Variants in MIS18BP1 observed in about 807,000 individuals in gnomAD.
The protein encoded by MIS18BP1 is MIS18 binding protein 1.
Under a neutral mutation model 116.1 loss-of-function variants are expected in MIS18BP1, and 72 were observed. The ratio of observed to expected loss-of-function variants is 0.62; its 90% CI spans 0.51 to 0.75. The LOEUF (loss-of-function observed/expected upper bound fraction) is 0.75. Among genes scored for constraint, MIS18BP1 ranks in the 30% least tolerant of loss-of-function variants. The pLI is 0.00. For synonymous variants in MIS18BP1, 386 were observed against 427.0 expected (o/e 0.90, Z 1.18); for missense variants, 1,363 against 1,303.2 (o/e 1.05, Z -0.71).
At chr14:45,232,616 G>A (rs769774563) in intron 7 of MIS18BP1, 117 bp downstream of exon 7, 7 of 651,796 alleles carry the variant, frequency 1.1e-5, no homozygotes, top group East Asian at 6.0e-5. Context: ...CCAACATGAC[G>A]AAACCCCATC....
At position 45,253,187 on chromosome 14, in the gene MIS18BP1, A is replaced by T. The variant is rs902016117; in HGVS notation, c.-244T>A. The stretch of plus-strand genomic sequence containing the variant: ...CCAAGCGACGCTTACCTCCTCCGCG[A>T]CGTTCTCTAACACACAAAACACTTC... On this transcript the variant is annotated 5_prime_UTR_variant, in exon 1 of 17. Transcript: ENST00000310806. The T allele has an allele frequency of 1.3e-5, 2 of 152,260 alleles. No individual in the cohort carries two copies. Among genetic ancestry groups the T allele is most frequent in the African/African-American group, 2.4e-5 (1 of 41,466 alleles). The allele number at this position is 152,260 out of a possible 1,614,324, so 9.4% of individuals were successfully genotyped here.
intron 7 of MIS18BP1, chr14:45,232,416 CAAA>C (rs532665472): frequency 0.013 from 1,210 of 95,630 alleles, 4 homozygotes; most frequent in African/African-American, 0.027. Flanking sequence ...GATTCCATCT[CAAA>C]AAAAAAAAAA....
At chr14:45,223,280 AT>A (rs1484189228) in intron 11 of MIS18BP1, among the ~76,000 whole-genome samples, 1 of 152,006 alleles carries the variant, frequency 6.6e-6, no homozygotes, top group Non-Finnish European at 1.5e-5. Context: ...AAACTTTACT[AT>A]TTATAACACT....
At chr14:45,207,687 A>T (rs1890556133) in intron 14 of MIS18BP1, among the ~76,000 whole-genome samples, 1 of 152,216 alleles carries the variant, frequency 6.6e-6, no homozygotes, top group Non-Finnish European at 1.5e-5. Flanking sequence ...GTTGTTCAGG[A>T]TCAGCAACTG....
chr14:45,217,962 T>G (rs1360958387), intron 12 of MIS18BP1, among the ~76,000 whole-genome samples: 1 of 152,156 alleles, frequency 6.6e-6, no homozygotes, highest in Non-Finnish European at 1.5e-5. Context: ...TTTCTGAGCT[T>G]TCTCATAAAT....
chr14:45,225,338 C>T (rs1037765748), intron 10 of MIS18BP1, among the ~76,000 whole-genome samples: 1 of 151,862 alleles, frequency 6.6e-6, no homozygotes, highest in African/African-American at 2.4e-5. Context: ...GTCTTTCAAT[C>T]AGACTGGAAA....
At chr14:45,223,544 C>G (rs1891032070) in intron 11 of MIS18BP1, among the ~76,000 whole-genome samples, 1 of 152,126 alleles carries the variant, frequency 6.6e-6, no homozygotes, top group Non-Finnish European at 1.5e-5. Context: ...GCATTGCACT[C>G]CAGACGGGGC....
rs200622251 is a variant in MIS18BP1 at position 45,231,133 on chromosome 14, A to C, written c.1594+8T>G. The C allele has an allele frequency of 2.7e-3, 4,335 of 1,610,668 alleles. 11 individuals are homozygous for C. The highest frequency in any genetic ancestry group is 0.017 in the Middle Eastern group (100 of 6,048). ...CTGTACCAACAGAGAAGTAAAGACAAAACATACCCAAATTATCACAATCAA... is the reference window on the plus strand; with the variant it reads ...CTGTACCAACAGAGAAGTAAAGACACAACATACCCAAATTATCACAATCAA... On this transcript the variant is annotated splice_region_variant and intron_variant, in intron 8 of 16. Transcript: ENST00000310806.
At chr14:45,226,375 G>A (rs910661318) in intron 10 of MIS18BP1, among the ~76,000 whole-genome samples, 1 of 152,146 alleles carries the variant, frequency 6.6e-6, no homozygotes, top group African/African-American at 2.4e-5. Context: ...ATTATGGCAT[G>A]CAGGATTCCA....
At chr14:45,245,136 G>A (rs191362061) in intron 2 of MIS18BP1, among the ~76,000 whole-genome samples, 1 of 152,286 alleles carries the variant, frequency 6.6e-6, no homozygotes, top group Non-Finnish European at 1.5e-5. Flanking sequence ...TTCACGCAAT[G>A]TTTTCGTTGC....
At chr14:45,239,874 A>T (rs1566819107) in intron 4 of MIS18BP1, among the ~76,000 whole-genome samples, 1 of 152,184 alleles carries the variant, frequency 6.6e-6, no homozygotes, top group Non-Finnish European at 1.5e-5. Flanking sequence ...GTGGAGCATG[A>T]GAGAGAAACA....
intron 10 of MIS18BP1, among the ~76,000 whole-genome samples, chr14:45,226,216 TC>T (rs1414400766): frequency 1.3e-5 from 2 of 152,192 alleles, no homozygotes; most frequent in Non-Finnish European, 2.9e-5. Context: ...AGCACTGCTT[TC>T]CTATCTTCTT....
intron 2 of MIS18BP1, among the ~76,000 whole-genome samples, chr14:45,243,856 T>C (rs1208280789): frequency 6.6e-6 from 1 of 152,134 alleles, no homozygotes. Context: ...TATACAAAAT[T>C]TGTGTTTCTA....
rs575309578 is a variant in MIS18BP1 at position 45,242,529 on chromosome 14, TACAAAACAAA to T, written c.659-21_659-12del. On this transcript the variant is annotated splice_polypyrimidine_tract_variant and intron_variant, in intron 3 of 16. Transcript: ENST00000310806. ...TCAGAGTTGGAAGTTCTGCAAAAAATACAAAACAAAACAAAACAAAACAATTATAGAAGGA... is the reference window on the plus strand; with the variant it reads ...TCAGAGTTGGAAGTTCTGCAAAAAATACAAAACAAAACAATTATAGAAGGA... 2,548 of 1,562,504 alleles carry T rather than the reference TACAAAACAAA, an allele frequency of 1.6e-3. 4 individuals carry two copies. Among genetic ancestry groups the T allele is most frequent in the Non-Finnish European group, 2.0e-3 (2,347 of 1,162,930 alleles).
chr14:45,210,619 T>G (rs531254452), intron 13 of MIS18BP1, 91 bp from the exon 14 acceptor site: 40 of 1,485,118 alleles, frequency 2.7e-5, no homozygotes, highest in South Asian at 1.4e-4. Context: ...ATAAGTTGGT[T>G]CTTCTTGTAA....
Position 45,247,300 on chromosome 14 carries a change from T to A in MIS18BP1, c.-14A>T, listed in dbSNP as rs1237113327. 1 of 1,518,762 alleles carries A rather than the reference T, an allele frequency of 6.6e-7. No homozygotes were observed. Among genetic ancestry groups the A allele is most frequent in the Non-Finnish European group, 8.8e-7 (1 of 1,139,864 alleles). The allele number at this position is 1,518,762 out of a possible 1,614,324, so 94.1% of individuals were successfully genotyped here. A position where few individuals can be genotyped will look rare whatever the true frequency, so the allele number is the denominator to read the frequency against. On this transcript the variant is annotated 5_prime_UTR_variant, in exon 2 of 17. Transcript: ENST00000310806. ...TGTTGCAATCATCTTGACAAGAAAG[T>A]AGCAACCAAGTTCTTCTAACAGAAA...
At chr14:45,226,225 C>T (rs1310952127) in intron 10 of MIS18BP1, among the ~76,000 whole-genome samples, 1 of 152,130 alleles carries the variant, frequency 6.6e-6, no homozygotes, top group Non-Finnish European at 1.5e-5. Flanking sequence ...TTCCTATCTT[C>T]TTCAAACAAA....
chr14:45,205,135 T>C (rs959334138), intron 15 of MIS18BP1, among the ~76,000 whole-genome samples: 15 of 152,152 alleles, frequency 9.9e-5, no homozygotes, highest in African/African-American at 3.6e-4. Flanking sequence ...TTAGAGTAAG[T>C]ACTGTTTTAA....
At chr14:45,242,933 A>G in intron 2 of MIS18BP1, 59 bp from the exon 3 acceptor site, 1 of 1,137,336 alleles carries the variant, frequency 8.8e-7, no homozygotes, top group Non-Finnish European at 1.3e-6. Flanking sequence ...CTAAGAAAAA[A>G]ACAGCTTTTA....
Sources: allele counts gnomAD v4.1 joint callset (sites outside exome capture counted in the v4.1 genomes callset), GRCh38; gene constraint gnomAD v4.1.1; transcripts MANE v1.5; gene names NCBI Gene and HGNC (gene_info 2026-07-23, HGNC 2026-07-21).